The following ANAPC1 variants were observed in gnomAD, a reference collection of about 807,000 sequenced individuals.
ANAPC1 encodes anaphase-promoting complex subunit 1.
A neutral mutation model predicts 208.0 loss-of-function variants in ANAPC1; 36 were observed. The observed-to-expected ratio is 0.17, with a 90% CI of 0.13 to 0.23. The LOEUF is 0.23. Ranked by LOEUF, ANAPC1 falls within the 10% of genes least tolerant of loss-of-function variation. ANAPC1 has a pLI of 1.00. For synonymous variants in ANAPC1, 378 were observed against 695.2 expected (o/e 0.54, Z 7.18); for missense variants, 942 against 2,011.6 (o/e 0.47, Z 10.17).
chr2:111,880,757 A>C lies in ANAPC1; in HGVS notation c.69T>G (p.Phe23Leu), dbSNP rs1184169806. ...GGTGGTGCTTGCAGTGGTCTCGACC[A>C]AAAGGAACAAATTCCTGCAAATCCC... ...AARDLQEFVP[F>L]GRDHCKHHPN... The change falls in exon 2 of 48, where the codon TTT becomes TTG. Residue 23 changes from phenylalanine (F) to leucine (L), a missense_variant. Coordinates refer to ENST00000341068, the MANE Select transcript of ANAPC1 (RefSeq NM_022662.4). 1.2e-6 allele frequency: 2 copies of C among 1,613,962 alleles called. No individual in the cohort carries two copies. The highest frequency in any genetic ancestry group is 1.7e-6 in the Non-Finnish European group (2 of 1,179,868).
chr2:111,870,956 C>T (rs1682714743), intron 6 of ANAPC1, among the ~76,000 whole-genome samples: 1 of 145,410 alleles, frequency 6.9e-6, no homozygotes. Context: ...TGCCTTTCCC[C>T]CAATTTATGT....
At chr2:111,792,231 A>G in intron 38 of ANAPC1, 131 bp downstream of exon 38, 1 of 613,964 alleles carries the variant, frequency 1.6e-6, no homozygotes, top group East Asian at 2.8e-5. Context: ...ATCAAGTCGA[A>G]TAATGCTGCT....
intron 46 of ANAPC1, among the ~76,000 whole-genome samples, chr2:111,776,320 C>A (rs1168544418): frequency 2.0e-5 from 3 of 149,612 alleles, no homozygotes; most frequent in Non-Finnish European, 3.0e-5. Flanking sequence ...GTCAGAATCA[C>A]TTCTACACTG....
chr2:111,846,425 A>G, intron 16 of ANAPC1, among the ~76,000 whole-genome samples: 1 of 126,876 alleles, frequency 7.9e-6, no homozygotes, highest in Non-Finnish European at 1.8e-5. Flanking sequence ...AACATCATTA[A>G]TACATTACAG....
At chr2:111,810,545 A>T (rs1190078408) in intron 28 of ANAPC1, among the ~76,000 whole-genome samples, 1 of 151,228 alleles carries the variant, frequency 6.6e-6, no homozygotes, top group Non-Finnish European at 1.5e-5. Flanking sequence ...TTAGTTTGCC[A>T]GAGAGCTAAA....
intron 14 of ANAPC1, among the ~76,000 whole-genome samples, chr2:111,848,173 A>G (rs1025161724): frequency 2.0e-5 from 3 of 152,276 alleles, no homozygotes; most frequent in Non-Finnish European, 2.9e-5. Flanking sequence ...TCCAGATACA[A>G]TGAAGTACCA....
rs1680125469 is a variant in ANAPC1 at position 111,831,449 on chromosome 2, A to T, written c.2477-15T>A. 1 of 1,571,864 alleles carries T rather than the reference A, an allele frequency of 6.4e-7. No homozygotes were observed. The highest frequency in any genetic ancestry group is 8.7e-7 in the Non-Finnish European group (1 of 1,151,308). ...TCCTGTTTGACCTTTAAAATTAGAT[A>T]AATATTCAAAAAGACACGAAAATAC... On this transcript the variant is annotated splice_polypyrimidine_tract_variant and intron_variant, in intron 20 of 47. Coordinates refer to ENST00000341068, the MANE Select transcript of ANAPC1 (RefSeq NM_022662.4).
At chr2:111,848,220 G>A (rs1221847335) in intron 14 of ANAPC1, among the ~76,000 whole-genome samples, 2 of 152,296 alleles carry the variant, frequency 1.3e-5, no homozygotes, top group South Asian at 2.1e-4. Flanking sequence ...ACTAGAAAAG[G>A]TAGGTAAAAG....
chr2:111,830,236 A>G (rs1680062990), intron 21 of ANAPC1, among the ~76,000 whole-genome samples: 2 of 152,242 alleles, frequency 1.3e-5, no homozygotes, highest in Non-Finnish European at 2.9e-5. Context: ...CAGACACACA[A>G]GAATGTGGCC....
intron 18 of ANAPC1, among the ~76,000 whole-genome samples, chr2:111,838,068 A>G (rs1680567196): frequency 8.1e-6 from 1 of 123,286 alleles, no homozygotes; most frequent in Non-Finnish European, 1.7e-5. Context: ...CCGGGCAACA[A>G]GAGTGATACT....
chr2:111,837,486 G>A (rs1197135565), intron 18 of ANAPC1, among the ~76,000 whole-genome samples: 4 of 152,204 alleles, frequency 2.6e-5, no homozygotes, highest in African/African-American at 9.6e-5. Context: ...CAGGCGTGGT[G>A]GCGCATGCCT....
At chr2:111,833,690 A>AAAAAAAAAAAAAAAC (rs1190342645) in intron 19 of ANAPC1, among the ~76,000 whole-genome samples, 4 of 150,686 alleles carry the variant, frequency 2.7e-5, no homozygotes, top group African/African-American at 4.9e-5. Context: ...GTAAAAAAAA[A>AAAAAAAAAAAAAAAC]AAAACCTGAT....
At chr2:111,789,883 T>C (rs1379741907) in intron 38 of ANAPC1, among the ~76,000 whole-genome samples, 2 of 152,010 alleles carry the variant, frequency 1.3e-5, no homozygotes, top group African/African-American at 4.8e-5. Flanking sequence ...GAGAGGCTCA[T>C]TTTGAAAGGA....
intron 27 of ANAPC1, among the ~76,000 whole-genome samples, chr2:111,816,363 A>C (rs199859007): frequency 0.11 from 16,080 of 150,784 alleles, 343 homozygotes; most frequent in East Asian, 0.16. Flanking sequence ...CTCTCTCTCT[A>C]TATATACATA....
chr2:111,879,839 T>C (rs563545772), intron 2 of ANAPC1, among the ~76,000 whole-genome samples: 42 of 151,876 alleles, frequency 2.8e-4, no homozygotes, highest in African/African-American at 1.0e-3. Context: ...GCCATTGCAC[T>C]CCAGCCTGGG....
intron 20 of ANAPC1, among the ~76,000 whole-genome samples, chr2:111,832,686 T>C (rs371916118): frequency 6.6e-6 from 1 of 152,078 alleles, no homozygotes; most frequent in African/African-American, 2.4e-5. Flanking sequence ...TCCCAGCACT[T>C]TGGGAGGCCG....
chr2:111,816,294 CCTTAATAAATCTG>C (rs1679234199), intron 27 of ANAPC1, among the ~76,000 whole-genome samples: 1 of 148,802 alleles, frequency 6.7e-6, no homozygotes, highest in African/African-American at 2.6e-5. Context: ...GAAACAAGAA[CCTTAATAAATCTG>C]CTACAGGTCT....
intron 13 of ANAPC1, 35 bp from the exon 14 acceptor site, chr2:111,850,945 T>A: frequency 6.3e-7 from 1 of 1,582,818 alleles, no homozygotes. Context: ...AAAAAAAATA[T>A]TGCCTTTAAT....
At chr2:111,846,993 C>T (rs1681125944) in intron 16 of ANAPC1, 145 bp downstream of exon 16, 2 of 637,726 alleles carry the variant, frequency 3.1e-6, no homozygotes, top group South Asian at 4.0e-5. Flanking sequence ...CATCACAAAG[C>T]ACTCCCTAGC....
Sources: allele counts gnomAD v4.1 joint callset (sites outside exome capture counted in the v4.1 genomes callset), GRCh38; gene constraint gnomAD v4.1.1; transcripts MANE v1.5; gene names NCBI Gene and HGNC (gene_info 2026-07-23, HGNC 2026-07-21).